Variants in ZNF676 observed in about 807,000 individuals in gnomAD.
The protein encoded by ZNF676 is zinc finger protein 676.
Under a neutral mutation model 6.0 loss-of-function variants are expected in ZNF676, and 4 were observed. The observed-to-expected ratio is 0.67, with a 90% CI of 0.33 to 1.53. The LOEUF is 1.53. Ranked by LOEUF, ZNF676 falls within the 40% of genes most tolerant of loss-of-function variation. The pLI is 0.06. For missense variants in ZNF676, 644 were observed against 679.7 expected, an observed-to-expected ratio of 0.95 and a Z score of 0.58; for synonymous variants, 198 against 223.1, an observed-to-expected ratio of 0.89 and a Z score of 1.00.
intron 1 of ZNF676, among the ~76,000 whole-genome samples, chr19:22,195,469 G>C (rs1438033584): frequency 6.6e-6 from 1 of 152,184 alleles, no homozygotes; most frequent in African/African-American, 2.4e-5. Flanking sequence ...CCTTAGGCAT[G>C]ATAATTTTTG....
rs767387505 is a variant in ZNF676, at chr19:22,181,569, A to C, written c.148T>G (p.Ser50Ala). ...CCTTGCTCTGGCCAAAACTCTTGGG[A>C]AAAATGAGAACATATAACTGAAAAG... ...EEPPVICSHFSQEFWPEQGIE... is the reference protein window; with the variant it reads ...EEPPVICSHFAQEFWPEQGIE... Residue 50 changes from serine to alanine, a missense_variant, in exon 3 of 3, where the codon TCC becomes GCC. Physicochemically the swap from Ser to Ala is moderately conservative, Grantham distance 99. Around this residue, in one of 5 missense-constraint regions of ZNF676, gnomAD observed 280 missense variants for 269.3 expected, o/e 1.04. Coordinates refer to ENST00000397121, the MANE Select transcript of ZNF676 (RefSeq NM_001001411.3). 1 of 1,569,750 alleles carries C rather than the reference A, an allele frequency of 6.4e-7. No individual in the cohort carries two copies. Among genetic ancestry groups the C allele is most frequent in the Admixed American group, 2.0e-5 (1 of 50,710 alleles).
upstream of ZNF676, among the ~76,000 whole-genome samples, chr19:22,200,515 A>ACTTTTTT (rs771651950): frequency 1.2e-4 from 13 of 105,848 alleles, no homozygotes; most frequent in Admixed American, 3.5e-4. Flanking sequence ...TGCTTCATCA[A>ACTTTTTT]TTTTTTTTTT....
chr19:22,182,584 C>CT (rs1423827398), intron 2 of ZNF676, among the ~76,000 whole-genome samples: 2 of 14,218 alleles, frequency 1.4e-4, no homozygotes, highest in African/African-American at 1.0e-3. Context: ...AGTCAAAGTT[C>CT]TAAAAAAAAA....
At chr19:22,214,380 CGAGGCGGGTGGATCACTTGAAAT>C (rs2024162101) in intron 1 of ZNF676, among the ~76,000 whole-genome samples, 1 of 150,798 alleles carries the variant, frequency 6.6e-6, no homozygotes, top group African/African-American at 2.4e-5. Flanking sequence ...TTTGGGAGGC[CGAGGCGGGTGGATCACTTGAAAT>C]CAGGAGTTCG....
At chr19:22,248,469 A>G in the ZNF676 span, among the ~76,000 whole-genome samples, 1 of 152,312 alleles carries the variant, frequency 6.6e-6, no homozygotes, top group East Asian at 1.9e-4. Context: ...CATGTACCCT[A>G]GAACTTAAAG....
chr19:22,205,130 TA>T (rs1015929662), intron 1 of ZNF676, among the ~76,000 whole-genome samples: 10 of 151,352 alleles, frequency 6.6e-5, no homozygotes, highest in Middle Eastern at 3.4e-3. Flanking sequence ...AAAATTGTTA[TA>T]AAAAAAAACC....
the ZNF676 span, among the ~76,000 whole-genome samples, chr19:22,239,332 T>G: frequency 6.6e-6 from 1 of 150,640 alleles, no homozygotes; most frequent in Non-Finnish European, 1.5e-5. Context: ...CCCGCCACCA[T>G]GCCCGGCTAA....
chr19:22,259,580 A>C, the ZNF676 span: 1 of 152,358 alleles, frequency 6.6e-6, no homozygotes, highest in African/African-American at 2.4e-5. Context: ...GCCCAGGCAC[A>C]ATTACATCAA....
At chr19:22,247,258 G>C in the ZNF676 span, among the ~76,000 whole-genome samples, 2 of 152,034 alleles carry the variant, frequency 1.3e-5, no homozygotes, top group Non-Finnish European at 2.9e-5. Flanking sequence ...GAAGGTTCAA[G>C]TCCTTTCTAA....
chr19:22,215,576 G>C, intron 1 of ZNF676: 3 of 1,597,446 alleles, frequency 1.9e-6, no homozygotes, highest in Non-Finnish European at 2.6e-6. Context: ...GCCACTTCCC[G>C]CCGGTTCCAA....
At chr19:22,246,687 TC>T in the ZNF676 span, among the ~76,000 whole-genome samples, 1 of 152,232 alleles carries the variant, frequency 6.6e-6, no homozygotes, top group Admixed American at 6.5e-5. Flanking sequence ...AGTCACATTA[TC>T]TGGGTGATGG....
chr19:22,193,780 A>G (rs559679501), intron 1 of ZNF676, among the ~76,000 whole-genome samples: 5 of 152,212 alleles, frequency 3.3e-5, no homozygotes, highest in African/African-American at 1.2e-4. Flanking sequence ...CCTGATCCAA[A>G]CAATCTGCAA....
intron 1 of ZNF676, among the ~76,000 whole-genome samples, chr19:22,209,347 T>G (rs1334965502): frequency 7.0e-6 from 1 of 143,246 alleles, no homozygotes. Context: ...AAAAAGAGTA[T>G]GTCCTTTGCA....
At chr19:22,203,487 C>A (rs2024046505) in intron 1 of ZNF676, 1 of 152,096 alleles carries the variant, frequency 6.6e-6, no homozygotes, top group Non-Finnish European at 1.5e-5. Flanking sequence ...ATCAAGTCAG[C>A]CAGAAAATAT....
chr19:22,223,109 GA>G, the ZNF676 span, among the ~76,000 whole-genome samples: 1 of 152,252 alleles, frequency 6.6e-6, no homozygotes, highest in African/African-American at 2.4e-5. Flanking sequence ...CTGTGGCTGG[GA>G]GGAGTTTGGA....
the ZNF676 span, among the ~76,000 whole-genome samples, chr19:22,226,603 T>TG: frequency 6.6e-6 from 1 of 151,094 alleles, no homozygotes. Context: ...TCTTGCTTTT[T>TG]TTTTTTCCTT....
At chr19:22,256,937 A>G in the ZNF676 span, among the ~76,000 whole-genome samples, 315 of 152,274 alleles carry the variant, frequency 2.1e-3, 1 homozygote, top group Middle Eastern at 3.4e-3. Context: ...GGAGAGTCAC[A>G]TCTTCTAGGT....
intron 2 of ZNF676, among the ~76,000 whole-genome samples, chr19:22,186,237 AAGAT>A (rs911910488): frequency 6.6e-6 from 1 of 152,202 alleles, no homozygotes; most frequent in Non-Finnish European, 1.5e-5. Flanking sequence ...AACATTCTTA[AAGAT>A]AGGAATTTTC....
chr19:22,191,293 A>C (rs1313840227), intron 2 of ZNF676, among the ~76,000 whole-genome samples: 3 of 152,270 alleles, frequency 2.0e-5, no homozygotes, highest in Non-Finnish European at 4.4e-5. Context: ...GCTCTTGACT[A>C]CAGACCAGAA....
Sources: gnomAD v4.1 joint callset for allele counts (sites outside exome capture counted in the v4.1 genomes callset) on GRCh38, gnomAD v4.1.1 for gene constraint, gnomAD v4.1.1 regional missense constraint, MANE v1.5 for transcripts, NCBI Gene and HGNC (gene_info 2026-07-23, HGNC 2026-07-21) for gene names.